The following RNF170 variants were observed in gnomAD, a reference collection of about 807,000 sequenced individuals.
The protein encoded by RNF170 is E3 ubiquitin-protein ligase RNF170.
In RNF170, 12 loss-of-function variants were observed where a neutral mutation model predicts 32.7. The observed-to-expected ratio is 0.37, with a 90% CI of 0.24 to 0.60. RNF170 has a LOEUF of 0.60. RNF170 is among the 20% of genes least tolerant of loss of function. RNF170 has a pLI of 0.72. For missense variants in RNF170, 212 were observed against 311.2 expected (o/e 0.68, Z 2.40); for synonymous variants, 91 against 103.6 (o/e 0.88, Z 0.74).
chr8:42,850,911 A>G, downstream of RNF170: 1 of 1,551,702 alleles, frequency 6.4e-7, no homozygotes. Flanking sequence ...ATCCGACTGT[A>G]CAGGCAGGAG....
At chr8:42,870,207 G>A (rs1804425253) in intron 3 of RNF170, 95 bp from the exon 4 acceptor site, 3 of 834,752 alleles carry the variant, frequency 3.6e-6, no homozygotes, top group Non-Finnish European at 6.1e-6. Context: ...AGTCAGCAGT[G>A]TGTAACCCTC....
chr8:42,870,310 T>G (rs1196828457), intron 3 of RNF170, among the ~76,000 whole-genome samples, 198 bp from the exon 4 acceptor site: 1 of 152,234 alleles, frequency 6.6e-6, no homozygotes, highest in Non-Finnish European at 1.5e-5. Flanking sequence ...GTTTCCACTT[T>G]CCTTCCTAAA....
At chr8:42,895,377 C>T (rs755709630) in intron 1 of RNF170, among the ~76,000 whole-genome samples, 1 of 152,244 alleles carries the variant, frequency 6.6e-6, no homozygotes, top group South Asian at 2.1e-4. Context: ...AATGAGAAAA[C>T]CTACTCTTAA....
rs9720668 is a variant in RNF170, at chr8:42,855,322, C to T, written c.*837G>A. On this transcript the variant is annotated 3_prime_UTR_variant, in exon 7 of 7. Coordinates refer to ENST00000527424, the MANE Select transcript of RNF170 (RefSeq NM_030954.4). ...CACCTCCTGGGTTTACGCCATTCTT[C>T]TGCCTCAGCCTCCCGAGTAGCTGGG... is the stretch of plus-strand genomic sequence containing the variant. 4.2e-5 allele frequency: 39 copies of T among 927,534 alleles called. No individual in the cohort carries two copies. In the African/African-American group the frequency reaches 6.4e-4, roughly 15 times the overall value. The allele number at this position is 927,534 out of a possible 1,614,324, so 57.5% of individuals were successfully genotyped here.
In RNF170 at chr8:42,854,436, T is replaced by C. The variant is rs1351472242; in HGVS notation, c.*1723A>G. On this transcript the variant is annotated 3_prime_UTR_variant, in exon 7 of 7. Transcript: ENST00000527424. Reference sequence around the variant, plus strand: ...ATTGTATCTATGAAAGGGAAGTTGGTGTCCTGCGTTCCTCACAAAATTATC... The same window carrying C: ...ATTGTATCTATGAAAGGGAAGTTGGCGTCCTGCGTTCCTCACAAAATTATC... 14 of 1,287,224 alleles carry C rather than the reference T, an allele frequency of 1.1e-5. No individual in the cohort carries two copies. Among genetic ancestry groups the C allele is most frequent in the Non-Finnish European group, 1.3e-5 (13 of 988,684 alleles). The allele number at this position is 1,287,224 out of a possible 1,614,324, so 79.7% of individuals were successfully genotyped here.
intron 3 of RNF170, among the ~76,000 whole-genome samples, chr8:42,871,095 A>T (rs1275032827): frequency 6.6e-6 from 1 of 152,106 alleles, no homozygotes. Flanking sequence ...CTGTAGTCCC[A>T]GCTACTCGGG....
chr8:42,866,530 G>A (rs1333155957), intron 4 of RNF170, among the ~76,000 whole-genome samples: 1 of 151,748 alleles, frequency 6.6e-6, no homozygotes, highest in African/African-American at 2.4e-5. Flanking sequence ...GTTGCAGTGA[G>A]CTGAGATTAT....
rs1388954165 is a variant in RNF170, at chr8:42,855,395, T to TA, written c.*763dup. On this transcript the variant is annotated 3_prime_UTR_variant, in exon 7 of 7. Coordinates refer to ENST00000527424, the MANE Select transcript of RNF170 (RefSeq NM_030954.4). ...CCTGGCTAATTTTTTGTATTTTTAGTAGAGACGGGGTTTCACCATGTTAGC... is the reference window on the plus strand; with the variant it reads ...CCTGGCTAATTTTTTGTATTTTTAGTAAGAGACGGGGTTTCACCATGTTAGC... 6 of 661,738 alleles carry TA rather than the reference T, an allele frequency of 9.1e-6. No homozygotes were observed. The East Asian group carries it at 3.9e-4, about 44-fold the overall frequency. 41.0% of individuals were successfully genotyped at this position (661,738 alleles called of 1,614,324 possible). A position where few individuals can be genotyped will look rare whatever the true frequency, so the allele number is the denominator to read the frequency against.
chr8:42,863,980 A>AGAGTGTGTGT lies in RNF170; in HGVS notation c.396+1435_396+1436insACACACACTC, dbSNP rs149654513. Among the ~76,000 whole-genome samples the AGAGTGTGTGT allele has an allele frequency of 8.1e-4, 113 of 139,576 alleles. 1 individual carries two copies. In the South Asian group the frequency reaches 8.5e-3, roughly 10 times the overall value. 91.6% of individuals were successfully genotyped at this position (139,576 alleles called of 152,430 possible). A position where few individuals can be genotyped will look rare whatever the true frequency, so the allele number is the denominator to read the frequency against. The stretch of plus-strand genomic sequence containing the variant: ...AAGGCTGAAGGAGAGAGAGAGAGAG[A>AGAGTGTGTGT]GTGTGTGTGTGTGTGTGTGTGTGTG... On this transcript the variant is annotated intron_variant, in intron 5 of 6. Transcript: ENST00000527424.
At chr8:42,878,898 C>G (rs988211112) in intron 2 of RNF170, among the ~76,000 whole-genome samples, 3 of 152,162 alleles carry the variant, frequency 2.0e-5, no homozygotes, top group African/African-American at 7.2e-5. Context: ...ATTGACCATT[C>G]TGAAAATCCT....
At chr8:42,871,575 CTTT>C (rs879900479) in intron 3 of RNF170, among the ~76,000 whole-genome samples, 1 of 145,518 alleles carries the variant, frequency 6.9e-6, no homozygotes, top group Non-Finnish European at 1.5e-5. Flanking sequence ...CCCTTCTCTA[CTTT>C]TTTTTTTTTT....
At chr8:42,863,980 A>AGTGTGTGTGTGTGTGTGT (rs71231874) in intron 5 of RNF170, among the ~76,000 whole-genome samples, 6 of 139,512 alleles carry the variant, frequency 4.3e-5, no homozygotes, top group African/African-American at 1.1e-4. Flanking sequence ...AGAGAGAGAG[A>AGTGTGTGTGTGTGTGTGT]GTGTGTGTGT....
In RNF170 at chr8:42,886,881, T is replaced by C. The variant is rs541679512; in HGVS notation, c.137+847A>G. ...CTAAAATAAATAAATAGGCTGGGCA[T>C]AGTGGCTCATGAGTGTAATCCCAGC... On this transcript the variant is annotated intron_variant, in intron 2 of 6. Transcript: ENST00000527424. 1.5e-3 allele frequency among the ~76,000 whole-genome samples: 223 copies of C among 152,206 alleles called. 1 individual carries two copies. The highest frequency in any genetic ancestry group is 2.5e-3 in the Non-Finnish European group (169 of 68,000).
At chr8:42,869,849 A>G (rs1804392565) in intron 4 of RNF170, among the ~76,000 whole-genome samples, 155 bp downstream of exon 4, 1 of 152,234 alleles carries the variant, frequency 6.6e-6, no homozygotes, top group Non-Finnish European at 1.5e-5. Context: ...TGCTAAGTAT[A>G]CTTGGTTGAC....
rs1324842992 is a variant in RNF170 at position 42,861,594 on chromosome 8, T to C, written c.507+151A>G. 3 of 675,164 alleles carry C rather than the reference T, an allele frequency of 4.4e-6. No individual in the cohort carries two copies. The East Asian group carries it at 8.5e-5, about 19-fold the overall frequency. The allele number at this position is 675,164 out of a possible 1,614,324, so 41.8% of individuals were successfully genotyped here. A position where few individuals can be genotyped will look rare whatever the true frequency, so the allele number is the denominator to read the frequency against. On this transcript the variant is annotated intron_variant, in intron 6 of 6. Transcript: ENST00000527424. Reference sequence around the variant, plus strand: ...CTGGGCTCAAGTGATCCACCTGCCTTGGCCTCCCAAAGTGCTAGGATTATA... The same window carrying C: ...CTGGGCTCAAGTGATCCACCTGCCTCGGCCTCCCAAAGTGCTAGGATTATA...
chr8:42,897,239 C>T, upstream of RNF170: 1 of 1,174,006 alleles, frequency 8.5e-7, no homozygotes, highest in Non-Finnish European at 1.1e-6. Flanking sequence ...CCGCCACCTA[C>T]CGGGACCCTC....
At chr8:42,856,522 G>T in intron 6 of RNF170, 94 bp from the exon 7 acceptor site, 1 of 908,046 alleles carries the variant, frequency 1.1e-6, no homozygotes, top group Non-Finnish European at 1.7e-6. Context: ...ACATTGTTAA[G>T]ATGAATTAAG....
chr8:42,896,684 C>G (rs1382129220), upstream of RNF170: 1 of 422,466 alleles, frequency 2.4e-6, no homozygotes, highest in Non-Finnish European at 4.7e-6. Flanking sequence ...GCCGCAGCCT[C>G]CAGGGCGGAG....
At chr8:42,865,976 C>T (rs1173080037) in intron 4 of RNF170, among the ~76,000 whole-genome samples, 3 of 152,032 alleles carry the variant, frequency 2.0e-5, no homozygotes, top group Admixed American at 2.0e-4. Context: ...CAAAGCAAGA[C>T]TCTGTCTCAA....
Sources: gnomAD v4.1 joint callset for allele counts (sites outside exome capture counted in the v4.1 genomes callset) on GRCh38, gnomAD v4.1.1 for gene constraint, MANE v1.5 for transcripts, NCBI Gene and HGNC (gene_info 2026-07-23, HGNC 2026-07-21) for gene names.